CECR2: variants seen among roughly 807,000 people sequenced by gnomAD.
CECR2 encodes the protein CECR2 histone acetyl-lysine reader, also known as chromatin remodeling regulator CECR2.
CECR2 carries 30 observed loss-of-function variants against 154.5 expected under a neutral mutation model. That is an observed-to-expected ratio of 0.19 (90% CI 0.15 to 0.26). CECR2 has a LOEUF of 0.26. Ranked by LOEUF, CECR2 falls within the 10% of genes least tolerant of loss-of-function variation. The pLI is 1.00. For missense variants in CECR2, 1,743 were observed against 1,829.3 expected, an observed-to-expected ratio of 0.95 and a Z score of 0.86; for synonymous variants, 725 against 683.7, an observed-to-expected ratio of 1.06 and a Z score of -0.94.
chr22:17,435,682 C>CT (rs1384348209), intron 1 of CECR2, among the ~76,000 whole-genome samples: 11 of 68,056 alleles, frequency 1.6e-4, no homozygotes, highest in Non-Finnish European at 2.4e-4. Flanking sequence ...TCTTTTAATT[C>CT]TTAAAAAAAA....
rs139872710 is a variant in CECR2, at chr22:17,531,143, C to G, written c.1109-5960C>G. The stretch of plus-strand genomic sequence containing the variant: ...TCCAGCCTTGAAAACCAAAACTACA[C>G]TAGCTACTTCAGCAGGGAAAACATC... On this transcript the variant is annotated intron_variant, in intron 9 of 18. Coordinates refer to ENST00000262608, the MANE Select transcript of CECR2 (RefSeq NM_001290047.2). Among the ~76,000 whole-genome samples the G allele has an allele frequency of 4.6e-3, 704 of 152,272 alleles. 6 individuals are homozygous for G. The highest frequency in any genetic ancestry group is 0.015 in the African/African-American group (641 of 41,554).
intron 17 of CECR2, among the ~76,000 whole-genome samples, chr22:17,551,034 T>C (rs2056700856): frequency 1.3e-5 from 2 of 152,236 alleles, no homozygotes; most frequent in Non-Finnish European, 2.9e-5. Flanking sequence ...TGTCATCTTA[T>C]TGCTAGACCC....
In CECR2 at chr22:17,553,540, A is replaced by G. The variant is rs992969028; in HGVS notation, c.*700A>G. On this transcript the variant is annotated 3_prime_UTR_variant, in exon 19 of 19. Transcript: ENST00000262608. ...TTAGTGGCCAGCCAGCCTTCAGAAT[A>G]GCTAAAGGCCTTCCTTCCTTCCAGT... 6.6e-6 allele frequency: 1 copy of G among 152,240 alleles called. No individual in the cohort carries two copies. Among genetic ancestry groups the G allele is most frequent in the African/African-American group, 2.4e-5 (1 of 41,430 alleles). The allele number at this position is 152,240 out of a possible 1,614,324, so 9.4% of individuals were successfully genotyped here.
intron 7 of CECR2, among the ~76,000 whole-genome samples, chr22:17,506,050 C>G (rs2055838684): frequency 6.6e-6 from 1 of 151,870 alleles, no homozygotes; most frequent in African/African-American, 2.4e-5. Context: ...TCTTGCTCTG[C>G]TGCCTAGGCT....
At chr22:17,490,147 T>TGTG (rs1555917191) in intron 2 of CECR2, among the ~76,000 whole-genome samples, 1,885 of 149,742 alleles carry the variant, frequency 0.013, 20 homozygotes, top group African/African-American at 0.027. Flanking sequence ...TGTTTTTTTT[T>TGTG]TGTGTGTGTG....
At chr22:17,543,565 CTTT>C (rs60659527) in intron 16 of CECR2, among the ~76,000 whole-genome samples, 1 of 143,548 alleles carries the variant, frequency 7.0e-6, no homozygotes. Context: ...CCTCCTGAGA[CTTT>C]TTTTTTTTTT....
chr22:17,518,663 A>C (rs1712011871), intron 8 of CECR2: 1 of 441,516 alleles, frequency 2.3e-6, no homozygotes. Context: ...TTGCTGAACC[A>C]TTCCAGGTCT....
chr22:17,506,429 C>T (rs1326927055), intron 7 of CECR2, among the ~76,000 whole-genome samples: 1 of 152,146 alleles, frequency 6.6e-6, no homozygotes, highest in Non-Finnish European at 1.5e-5. Flanking sequence ...ACCTGGCCCC[C>T]TCTCTACTTC....
intron 14 of CECR2, 94 bp downstream of exon 14, chr22:17,540,894 T>A (rs1601539680): frequency 1.0e-5 from 13 of 1,278,656 alleles, no homozygotes; most frequent in South Asian, 1.9e-5. Context: ...TGCAAAATAC[T>A]TACGTGTATG....
rs1472837440 is a variant in CECR2 at position 17,553,867 on chromosome 22, G to A, written c.*1027G>A. On this transcript the variant is annotated 3_prime_UTR_variant, in exon 19 of 19. Coordinates refer to ENST00000262608, the MANE Select transcript of CECR2 (RefSeq NM_001290047.2). The stretch of plus-strand genomic sequence containing the variant: ...GGCATCACACACAGCTTTCTGGCAC[G>A]AATCACATTTTGTGGAAGTGACTAC... 4.6e-5 allele frequency: 7 copies of A among 152,136 alleles called. No individual in the cohort carries two copies. The highest frequency in any genetic ancestry group is 7.2e-5 in the African/African-American group (3 of 41,422). 9.4% of individuals were successfully genotyped at this position (152,136 alleles called of 1,614,324 possible).
intron 1 of CECR2, among the ~76,000 whole-genome samples, chr22:17,410,720 A>G (rs926147584): frequency 1.3e-5 from 2 of 152,190 alleles, no homozygotes; most frequent in Non-Finnish European, 2.9e-5. Context: ...GGGTAATATT[A>G]CAGGCATGAG....
At chr22:17,373,875 T>G (rs1220188576) in intron 1 of CECR2, among the ~76,000 whole-genome samples, 2 of 152,198 alleles carry the variant, frequency 1.3e-5, no homozygotes, top group Non-Finnish European at 2.9e-5. Context: ...AATCAAGTAT[T>G]TTATAATTGT....
intron 5 of CECR2, among the ~76,000 whole-genome samples, chr22:17,501,128 G>A (rs1043198650): frequency 6.6e-6 from 1 of 152,084 alleles, no homozygotes; most frequent in African/African-American, 2.4e-5. Context: ...TTCAAAATCT[G>A]ACCTATGCTG....
intron 2 of CECR2, among the ~76,000 whole-genome samples, chr22:17,494,897 A>G (rs2055595521): frequency 6.6e-6 from 1 of 151,670 alleles, no homozygotes; most frequent in African/African-American, 2.4e-5. Flanking sequence ...ATTTCACCAT[A>G]TTGGCCAGGC....
chr22:17,473,540 T>C (rs940481961), intron 1 of CECR2, among the ~76,000 whole-genome samples: 1 of 152,016 alleles, frequency 6.6e-6, no homozygotes, highest in Admixed American at 6.6e-5. Context: ...TTTGAATTTC[T>C]ATCGTTTAGA....
intron 9 of CECR2, among the ~76,000 whole-genome samples, chr22:17,535,460 C>G (rs1207141611): frequency 6.6e-6 from 1 of 152,104 alleles, no homozygotes; most frequent in Non-Finnish European, 1.5e-5. Context: ...TACACACATG[C>G]TTGAGAAGAC....
At chr22:17,451,091 CTG>C (rs1461141416) in intron 1 of CECR2, among the ~76,000 whole-genome samples, 3 of 152,226 alleles carry the variant, frequency 2.0e-5, no homozygotes, top group Non-Finnish European at 4.4e-5. Flanking sequence ...ACATCCACCT[CTG>C]TGATTTGCCC....
At chr22:17,547,261 A>C (rs1036393314) in intron 16 of CECR2, among the ~76,000 whole-genome samples, 6 of 150,420 alleles carry the variant, frequency 4.0e-5, no homozygotes, top group Non-Finnish European at 8.9e-5. Context: ...ATGGAGTCTC[A>C]CTCTGTCGCC....
chr22:17,367,315 T>C (rs908798717), upstream of CECR2, among the ~76,000 whole-genome samples: 16 of 152,088 alleles, frequency 1.1e-4, no homozygotes, highest in African/African-American at 3.4e-4. Context: ...TGGTGACAAC[T>C]GAGAGGCGAG....
Sources: gnomAD v4.1 joint callset for allele counts (sites outside exome capture counted in the v4.1 genomes callset) on GRCh38, gnomAD v4.1.1 for gene constraint, MANE v1.5 for transcripts, NCBI Gene and HGNC (gene_info 2026-07-23, HGNC 2026-07-21) for gene names.